Variants in PCSK1 observed in about 807,000 individuals in gnomAD.
PCSK1 encodes the protein neuroendocrine convertase 1.
Under a neutral mutation model 90.6 loss-of-function variants are expected in PCSK1, and 56 were observed. The observed-to-expected ratio is 0.62, with a 90% CI of 0.50 to 0.77. The LOEUF (loss-of-function observed/expected upper bound fraction) is 0.77. Among genes scored for constraint, PCSK1 ranks in the 30% least tolerant of loss-of-function variants. The probability of loss-of-function intolerance (pLI) is 0.00; values close to 1 mark genes in which losing one functional copy is unlikely to be tolerated. For synonymous variants in PCSK1, 348 were observed against 342.4 expected, an observed-to-expected ratio of 1.02 and a Z score of -0.18; for missense variants, 801 against 932.6, an observed-to-expected ratio of 0.86 and a Z score of 1.84.
intron 1 of PCSK1, 103 bp downstream of exon 1, chr5:96,432,760 G>A (rs985370657): frequency 6.7e-6 from 6 of 895,860 alleles, no homozygotes; most frequent in Non-Finnish European, 9.2e-6. Context: ...TGCTACTCTG[G>A]GCTCTGGAGA....
chr5:96,409,725 C>G (rs1203592586), intron 8 of PCSK1, among the ~76,000 whole-genome samples: 1 of 152,160 alleles, frequency 6.6e-6, no homozygotes, highest in Non-Finnish European at 1.5e-5. Context: ...TCTGATATGC[C>G]CCTTTCAAAC....
chr5:96,396,992 G>C (rs1018316163), intron 12 of PCSK1, among the ~76,000 whole-genome samples: 2 of 152,216 alleles, frequency 1.3e-5, no homozygotes, highest in Admixed American at 1.3e-4. Context: ...GTTGGTCTGA[G>C]CATTTAAGTA....
In PCSK1 at chr5:96,392,220, T is replaced by G. The variant is rs1266930801; in HGVS notation, c.*781A>C. Reference sequence around the variant, plus strand: ...TGGTATATATCATTTCTCCCAACATTTATTTTGTGGCTGAGAAAGGAGACA... The same window carrying G: ...TGGTATATATCATTTCTCCCAACATGTATTTTGTGGCTGAGAAAGGAGACA... On this transcript the variant is annotated 3_prime_UTR_variant, in exon 14 of 14. Transcript: ENST00000311106. 2 of 151,906 alleles carry G rather than the reference T, an allele frequency of 1.3e-5. No homozygotes were observed. The highest frequency in any genetic ancestry group is 2.4e-5 in the African/African-American group (1 of 41,282). 9.4% of individuals were successfully genotyped at this position (151,906 alleles called of 1,614,324 possible). A position where few individuals can be genotyped will look rare whatever the true frequency, so the allele number is the denominator to read the frequency against.
intron 5 of PCSK1, 55 bp from the exon 6 acceptor site, chr5:96,416,176 T>C: frequency 8.4e-7 from 1 of 1,196,168 alleles, no homozygotes; most frequent in East Asian, 2.3e-5. Flanking sequence ...ACATTTGTTT[T>C]GCATATGAAT....
intron 12 of PCSK1, among the ~76,000 whole-genome samples, chr5:96,396,970 T>A (rs1451973819): frequency 6.6e-6 from 1 of 152,236 alleles, no homozygotes; most frequent in Non-Finnish European, 1.5e-5. Context: ...TCTGGCAGAA[T>A]GTCACACCAA....
At chr5:96,412,752 G>GTTTTGTTTT (rs1760801934) in intron 6 of PCSK1, among the ~76,000 whole-genome samples, 12 of 71,822 alleles carry the variant, frequency 1.7e-4, no homozygotes, top group African/African-American at 1.1e-3. Context: ...CAGCTGTGAT[G>GTTTTGTTTT]TTTTTTTTTT....
chr5:96,423,568 C>T, intron 3 of PCSK1, 109 bp from the exon 4 acceptor site: 1 of 993,750 alleles, frequency 1.0e-6, no homozygotes, highest in Non-Finnish European at 1.6e-6. Context: ...TTGGGTCACT[C>T]TACTCTTTAG....
intron 9 of PCSK1, among the ~76,000 whole-genome samples, chr5:96,404,594 T>A (rs918419516): frequency 6.6e-6 from 1 of 152,204 alleles, no homozygotes; most frequent in Admixed American, 6.5e-5. Context: ...AAGAAACTCA[T>A]AAATGCATGT....
rs754742271 is a variant in PCSK1, at chr5:96,425,879, G to T, written c.337C>A (p.Leu113Ile). ...AAGAGATTTAGTGCTGAGTCCCTTA[G>T]AGCTGAACGTTTACTTCTTTCTTTT... ...YEKERSKRSALRDSALNLFND... is the reference protein window; with the variant it reads ...YEKERSKRSAIRDSALNLFND... Residue 113 changes from leucine to isoleucine, a missense_variant, in exon 3 of 14, where the codon CTA (leucine) becomes ATA (isoleucine). Leu to Ile is a conservative substitution (Grantham distance 5, BLOSUM62 2). Transcript: ENST00000311106. The T allele has an allele frequency of 6.2e-7, 1 of 1,612,762 alleles. No homozygotes were observed. Among genetic ancestry groups the T allele is most frequent in the Admixed American group, 1.7e-5 (1 of 59,980 alleles).
At chr5:96,424,213 C>G (rs552832137) in intron 3 of PCSK1, among the ~76,000 whole-genome samples, 1 of 152,268 alleles carries the variant, frequency 6.6e-6, no homozygotes, top group East Asian at 1.9e-4. Flanking sequence ...TAACCACAAT[C>G]AAAAGTGTCA....
Position 96,432,984 on chromosome 5 carries a change from C to T in PCSK1, c.59G>A (p.Cys20Tyr), listed in dbSNP as rs1761556331. 1 of 1,614,144 alleles carries T rather than the reference C, an allele frequency of 6.2e-7. No homozygotes were observed. ...CTAFVLFCAW[C>Y]ALNSAKAKRQ... is the part of the protein sequence containing the mutation. ...TTTCGCTTTTGCACTGTTCAGTGCA[C>T]ACCAAGCGCAAAAGAGGACGAAAGC... Residue 20 changes from cysteine (C) to tyrosine (Y), a missense_variant, in exon 1 of 14, where the codon TGT (cysteine) becomes TAT (tyrosine). Transcript: ENST00000311106.
intron 8 of PCSK1, among the ~76,000 whole-genome samples, chr5:96,409,056 G>A (rs1431896426): frequency 6.6e-6 from 1 of 152,210 alleles, no homozygotes; most frequent in Non-Finnish European, 1.5e-5. Context: ...TACCCGAGAT[G>A]TTCTCTGTGA....
At chr5:96,403,961 A>G (rs76452746) in intron 9 of PCSK1, among the ~76,000 whole-genome samples, 2 of 152,138 alleles carry the variant, frequency 1.3e-5, no homozygotes, top group African/African-American at 2.4e-5. Flanking sequence ...AAGGGATTCA[A>G]TGGTTCACTT....
At chr5:96,425,006 AG>A (rs1761242572) in intron 3 of PCSK1, among the ~76,000 whole-genome samples, 2 of 125,018 alleles carry the variant, frequency 1.6e-5, no homozygotes, top group South Asian at 2.6e-4. Flanking sequence ...AGAGAAAGAA[AG>A]AAAAGAAAGA....
intron 4 of PCSK1, 87 bp downstream of exon 4, chr5:96,423,226 G>C (rs1191696538): frequency 7.7e-7 from 1 of 1,294,624 alleles, no homozygotes; most frequent in East Asian, 2.5e-5. Flanking sequence ...CACCAGAGCA[G>C]CATCCCCTTG....
At chr5:96,425,052 G>GA (rs199934894) in intron 3 of PCSK1, among the ~76,000 whole-genome samples, 1,503 of 119,240 alleles carry the variant, frequency 0.013, 56 homozygotes, top group African/African-American at 0.045. Context: ...AAGAAAGAAA[G>GA]AAAGAAAGAA....
chr5:96,432,230 G>T (rs1398710411), intron 1 of PCSK1: 1 of 1,008,630 alleles, frequency 9.9e-7, no homozygotes, highest in Non-Finnish European at 1.5e-6. Context: ...GAGTCGCGGG[G>T]ATAGATGGTC....
intron 13 of PCSK1, among the ~76,000 whole-genome samples, chr5:96,393,648 A>T (rs931878629): frequency 1.3e-5 from 2 of 152,186 alleles, no homozygotes; most frequent in African/African-American, 2.4e-5. Flanking sequence ...TTTGAAGACT[A>T]GATGAGACTG....
intron 1 of PCSK1, among the ~76,000 whole-genome samples, chr5:96,429,861 C>T (rs1761436619): frequency 1.3e-5 from 2 of 152,100 alleles, no homozygotes; most frequent in Admixed American, 6.5e-5. Flanking sequence ...CAGTAGGAGG[C>T]TAGTGATGCT....
Sources: allele counts gnomAD v4.1 joint callset (sites outside exome capture counted in the v4.1 genomes callset), GRCh38; gene constraint gnomAD v4.1.1; transcripts MANE v1.5; gene names NCBI Gene and HGNC (gene_info 2026-07-23, HGNC 2026-07-21).